Variants in TAC4 observed in about 807,000 individuals in gnomAD.
The protein encoded by TAC4 is tachykinin precursor 4, also known as tachykinin-4.
A neutral mutation model predicts 17.7 loss-of-function variants in TAC4; 17 were observed. The observed-to-expected ratio is 0.96, with a 90% CI of 0.66 to 1.44. TAC4 has a LOEUF of 1.44. Among genes scored for constraint, TAC4 ranks in the 40% most tolerant of loss-of-function variants. The pLI is 0.00. For synonymous variants in TAC4, 62 were observed against 52.4 expected (o/e 1.18, Z -0.79); for missense variants, 118 against 125.6 (o/e 0.94, Z 0.29).
At chr17:49,846,707 G>A (rs1189415591) in intron 1 of TAC4, among the ~76,000 whole-genome samples, 1 of 152,176 alleles carries the variant, frequency 6.6e-6, no homozygotes, top group Non-Finnish European at 1.5e-5. Context: ...AGAGTGAAAG[G>A]AGAGTAAGGA....
rs568220980 is a variant in TAC4 at position 49,846,150 on chromosome 17, C to T, written c.105+1763G>A. 18 of 1,237,792 alleles carry T rather than the reference C, an allele frequency of 1.5e-5. No individual in the cohort carries two copies. In the South Asian group the frequency reaches 1.9e-4, roughly 13 times the overall value. The allele number at this position is 1,237,792 out of a possible 1,614,324, so 76.7% of individuals were successfully genotyped here. A position where few individuals can be genotyped will look rare whatever the true frequency, so the allele number is the denominator to read the frequency against. On this transcript the variant is annotated intron_variant, in intron 1 of 4. Transcript: ENST00000436235. ...TTTCCCATTCACTCCGACAGGACTC[C>T]TGCCCCCAGCCGGAGCCCTCCATAT... is the stretch of plus-strand genomic sequence containing the variant.
chr17:49,839,189 A>C (rs1178648574), intron 4 of TAC4, among the ~76,000 whole-genome samples: 1 of 152,166 alleles, frequency 6.6e-6, no homozygotes, highest in Non-Finnish European at 1.5e-5. Flanking sequence ...GGGGTCCAGA[A>C]GTCTGCAGCT....
At chr17:49,839,315 T>C (rs1207977397) in intron 4 of TAC4, among the ~76,000 whole-genome samples, 1 of 152,198 alleles carries the variant, frequency 6.6e-6, no homozygotes, top group Non-Finnish European at 1.5e-5. Context: ...CTGATTGATT[T>C]ATCTACTTTC....
chr17:49,847,406 A>G (rs748742149), intron 1 of TAC4: 29 of 600,942 alleles, frequency 4.8e-5, no homozygotes, highest in Admixed American at 2.2e-4. Context: ...GTTTAAGTTG[A>G]TCCCCTTGAA....
intron 2 of TAC4, among the ~76,000 whole-genome samples, chr17:49,842,640 TA>T (rs1206938138): frequency 6.6e-6 from 1 of 152,178 alleles, no homozygotes; most frequent in Admixed American, 6.5e-5. Flanking sequence ...TTTATATGTG[TA>T]TTTTTTTTTT....
At chr17:49,845,184 G>T (rs910907678) in intron 1 of TAC4, among the ~76,000 whole-genome samples, 3 of 152,176 alleles carry the variant, frequency 2.0e-5, no homozygotes, top group Non-Finnish European at 4.4e-5. Flanking sequence ...GATTTTCCTT[G>T]CCTTAGAGCC....
At chr17:49,846,802 G>T in intron 1 of TAC4, 2 of 471,870 alleles carry the variant, frequency 4.2e-6, no homozygotes, top group East Asian at 7.1e-5. Flanking sequence ...ATGGGGCTGC[G>T]TAGTGAGGCC....
rs771554613 is a variant in TAC4, at chr17:49,844,151, C to G, written c.112G>C (p.Ala38Pro). The G allele has an allele frequency of 6.2e-7, 1 of 1,613,638 alleles. No homozygotes were observed. Among genetic ancestry groups the G allele is most frequent in the Non-Finnish European group, 8.5e-7 (1 of 1,179,628 alleles). Residue 38 changes from alanine to proline, a missense_variant, in exon 2 of 5, where the codon GCT becomes CCT. By Grantham distance (27) the Ala-to-Pro change is conservative. Transcript: ENST00000436235. The stretch of plus-strand genomic sequence containing the variant: ...AGCTGGAGCTGAATGCTGGGGCCAG[C>G]GCCTTCCTGAAGAAGCAGAGAGTTA... ...LSTEAETWEG[A>P]GPSIQLQLQE...
chr17:49,838,383 T>G lies in TAC4; in HGVS notation c.*259A>C. The G allele has an allele frequency of 1.2e-5, 7 of 573,184 alleles. No individual in the cohort carries two copies. The highest frequency in any genetic ancestry group is 1.2e-5 in the Non-Finnish European group (4 of 323,158). The allele number at this position is 573,184 out of a possible 1,614,324, so 35.5% of individuals were successfully genotyped here. On this transcript the variant is annotated 3_prime_UTR_variant, in exon 5 of 5. Transcript: ENST00000436235. ...TGCGAGTCTCCTCACTGCTGTGCAG[T>G]GAGATGCCAACTCTGAGTGTGAGGG...
At chr17:49,846,516 G>A (rs1401788729) in intron 1 of TAC4, among the ~76,000 whole-genome samples, 1 of 152,148 alleles carries the variant, frequency 6.6e-6, no homozygotes, top group Non-Finnish European at 1.5e-5. Flanking sequence ...GCCTCCAGCA[G>A]TCCTTCTGCC....
chr17:49,843,097 C>T (rs2074510780), intron 2 of TAC4, among the ~76,000 whole-genome samples: 1 of 152,216 alleles, frequency 6.6e-6, no homozygotes, highest in South Asian at 2.1e-4. Context: ...GCATGTCTGC[C>T]TGAAAAGCGA....
intron 1 of TAC4, chr17:49,847,043 C>T (rs1029678015): frequency 1.6e-6 from 2 of 1,290,206 alleles, no homozygotes; most frequent in Non-Finnish European, 2.0e-6. Context: ...GAAAGGAAAC[C>T]CACCATGCAG....
At chr17:49,841,384 A>G (rs1017110363) in intron 3 of TAC4, among the ~76,000 whole-genome samples, 168 bp downstream of exon 3, 2 of 151,870 alleles carry the variant, frequency 1.3e-5, no homozygotes, top group East Asian at 1.9e-4. Context: ...GGAAACAACC[A>G]GAAAGCCTAG....
Position 49,838,584 on chromosome 17 carries a change from G to T in TAC4, c.*58C>A. ...GTTGGCCTGCCGGCTTGTCAGCTGT[G>T]ACATCCAGGTAGGAAGAAGCGGCAC... On this transcript the variant is annotated 3_prime_UTR_variant, in exon 5 of 5. Coordinates refer to ENST00000436235, the MANE Select transcript of TAC4 (RefSeq NM_001077506.2). 1 of 1,609,026 alleles carries T rather than the reference G, an allele frequency of 6.2e-7. No individual in the cohort carries two copies. Among genetic ancestry groups the T allele is most frequent in the South Asian group, 1.1e-5 (1 of 90,780 alleles).
intron 2 of TAC4, among the ~76,000 whole-genome samples, chr17:49,842,650 T>G (rs955076775): frequency 3.3e-5 from 5 of 152,226 alleles, no homozygotes; most frequent in Non-Finnish European, 5.9e-5. Flanking sequence ...TATTTTTTTT[T>G]TATTACAAAA....
At chr17:49,846,295 G>A (rs1331417262) in intron 1 of TAC4, 53 of 870,492 alleles carry the variant, frequency 6.1e-5, no homozygotes, top group East Asian at 8.2e-5. Flanking sequence ...TTTTTTTTTT[G>A]AGACAGGGTC....
Position 49,846,927 on chromosome 17 carries a change from T to C in TAC4, c.105+986A>G, listed in dbSNP as rs185701868. 6.8e-4 allele frequency: 866 copies of C among 1,279,140 alleles called. 1 individual carries two copies. Among genetic ancestry groups the C allele is most frequent in the Non-Finnish European group, 8.5e-4 (831 of 982,958 alleles). 79.2% of individuals were successfully genotyped at this position (1,279,140 alleles called of 1,614,324 possible). The stretch of plus-strand genomic sequence containing the variant: ...GGGGGGTCACTTCCCTCCTCCGTTT[T>C]GCAGGTGAGGAAACTGATGTCCAGA... On this transcript the variant is annotated intron_variant, in intron 1 of 4. Coordinates refer to ENST00000436235, the MANE Select transcript of TAC4 (RefSeq NM_001077506.2).
intron 1 of TAC4, among the ~76,000 whole-genome samples, chr17:49,845,469 A>G (rs1248430242): frequency 6.6e-6 from 1 of 152,184 alleles, no homozygotes; most frequent in African/African-American, 2.4e-5. Context: ...CTGTCTTCAC[A>G]TGTCTGTATC....
intron 3 of TAC4, among the ~76,000 whole-genome samples, chr17:49,840,571 C>T (rs143748434): frequency 1.3e-5 from 2 of 152,066 alleles, no homozygotes; most frequent in Admixed American, 6.5e-5. Flanking sequence ...GGCGTGATCT[C>T]GGCTCACTGC....
Sources: gnomAD v4.1 joint callset for allele counts (sites outside exome capture counted in the v4.1 genomes callset) on GRCh38, gnomAD v4.1.1 for gene constraint, MANE v1.5 for transcripts, NCBI Gene and HGNC (gene_info 2026-07-23, HGNC 2026-07-21) for gene names.